Variants in PRKD1 observed in about 807,000 individuals in gnomAD.
PRKD1 encodes the protein serine/threonine-protein kinase D1.
A neutral mutation model predicts 95.9 loss-of-function variants in PRKD1; 63 were observed. The observed-to-expected ratio is 0.66, with a 90% CI of 0.54 to 0.81. PRKD1 has a LOEUF of 0.81. PRKD1 is among the 30% of genes least tolerant of loss of function. The pLI, the probability that PRKD1 is intolerant of heterozygous loss-of-function variation, is 0.00. For missense variants in PRKD1, 1,048 were observed against 1,165.3 expected (o/e 0.90, Z 1.47); for synonymous variants, 425 against 423.1 (o/e 1.00, Z -0.05).
rs145368534 is a variant in PRKD1, at chr14:29,856,759, C to T, written c.264+70490G>A. ...GGTACCTAAAATAGGAACAGACTCC[C>T]GGGCACATCTCTGAGGCTGGTAAGC... On this transcript the variant is annotated intron_variant, in intron 1 of 17. Coordinates refer to ENST00000331968, the MANE Select transcript of PRKD1 (RefSeq NM_002742.3). Among the ~76,000 whole-genome samples, 1,253 of 152,298 alleles carry T rather than the reference C, an allele frequency of 8.2e-3. 7 individuals carry two copies. Among genetic ancestry groups the T allele is most frequent in the Admixed American group, 0.015 (226 of 15,290 alleles).
chr14:29,740,714 T>C (rs1467903276), intron 1 of PRKD1, among the ~76,000 whole-genome samples: 1 of 152,144 alleles, frequency 6.6e-6, no homozygotes, highest in Non-Finnish European at 1.5e-5. Context: ...CTGGCTATCT[T>C]CAATTCTACT....
intron 13 of PRKD1, among the ~76,000 whole-genome samples, chr14:29,600,942 C>T (rs1893494819): frequency 6.6e-6 from 1 of 151,894 alleles, no homozygotes; most frequent in South Asian, 2.1e-4. Context: ...ATATATTCCA[C>T]TTATATCCCA....
chr14:29,615,701 A>C (rs1051879671), intron 13 of PRKD1, among the ~76,000 whole-genome samples: 1 of 152,194 alleles, frequency 6.6e-6, no homozygotes, highest in Admixed American at 6.5e-5. Flanking sequence ...TGAACATCTT[A>C]AAGGGTTTTA....
Position 29,778,692 on chromosome 14 carries a change from C to T in PRKD1, c.265-53018G>A, listed in dbSNP as rs542262665. ...GTCCAGGACCAGATGGATTCACAGC[C>T]GAATTCTACCAGAGGTACAAGGAGG... is the stretch of plus-strand genomic sequence containing the variant. On this transcript the variant is annotated intron_variant, in intron 1 of 17. Transcript: ENST00000331968. Among the ~76,000 whole-genome samples the T allele has an allele frequency of 1.5e-3, 221 of 152,230 alleles. 2 individuals are homozygous for T. Among genetic ancestry groups the T allele is most frequent in the African/African-American group, 5.1e-3 (212 of 41,532 alleles).
At chr14:29,797,749 C>T (rs1365007728) in intron 1 of PRKD1, among the ~76,000 whole-genome samples, 1 of 152,182 alleles carries the variant, frequency 6.6e-6, no homozygotes, top group African/African-American at 2.4e-5. Flanking sequence ...TGTCCCTCCA[C>T]CCCAACCTGC....
intron 1 of PRKD1, among the ~76,000 whole-genome samples, chr14:29,826,215 CAT>C (rs1346248756): frequency 8.0e-5 from 9 of 113,064 alleles, no homozygotes; most frequent in South Asian, 6.0e-4. Flanking sequence ...TATATATATA[CAT>C]ATATATGATG....
intron 1 of PRKD1, among the ~76,000 whole-genome samples, chr14:29,749,042 G>C (rs769987326): frequency 6.6e-6 from 1 of 152,290 alleles, no homozygotes; most frequent in East Asian, 1.9e-4. Context: ...ATATGTAGGA[G>C]TGGGATTATA....
At chr14:29,859,131 T>C (rs1892612728) in intron 1 of PRKD1, among the ~76,000 whole-genome samples, 1 of 152,192 alleles carries the variant, frequency 6.6e-6, no homozygotes, top group African/African-American at 2.4e-5. Context: ...CAAAATCAGT[T>C]AGGCCATCAA....
intron 1 of PRKD1, among the ~76,000 whole-genome samples, chr14:29,876,312 C>A (rs1265273564): frequency 1.3e-5 from 2 of 152,104 alleles, no homozygotes; most frequent in Admixed American, 6.5e-5. Context: ...GGATAAAGAA[C>A]AGGTCATTGC....
intron 1 of PRKD1, among the ~76,000 whole-genome samples, chr14:29,781,717 G>T (rs1889054036): frequency 6.6e-6 from 1 of 152,208 alleles, no homozygotes; most frequent in South Asian, 2.1e-4. Flanking sequence ...GGGACATTTT[G>T]AAAGTTCATT....
At chr14:29,704,240 G>A (rs1164800152) in intron 2 of PRKD1, among the ~76,000 whole-genome samples, 1 of 151,916 alleles carries the variant, frequency 6.6e-6, no homozygotes, top group Admixed American at 6.6e-5. Flanking sequence ...AATAAAACAT[G>A]TAATTATGGC....
chr14:29,652,526 A>G (rs1029816401), intron 4 of PRKD1, among the ~76,000 whole-genome samples: 1 of 152,206 alleles, frequency 6.6e-6, no homozygotes, highest in Non-Finnish European at 1.5e-5. Context: ...ACTGAAGGAC[A>G]CTTTCCCCAG....
intron 1 of PRKD1, among the ~76,000 whole-genome samples, chr14:29,747,638 A>T (rs1887290957): frequency 6.6e-6 from 1 of 152,200 alleles, no homozygotes; most frequent in Non-Finnish European, 1.5e-5. Flanking sequence ...TGAAGTACTG[A>T]TCTACACACT....
At chr14:29,650,636 A>G (rs188525973) in intron 4 of PRKD1, 12 of 152,244 alleles carry the variant, frequency 7.9e-5, no homozygotes, top group African/African-American at 2.7e-4. Flanking sequence ...AAGACTGAGC[A>G]CTAGACAAAG....
chr14:29,599,466 A>C (rs1486348505), intron 14 of PRKD1, among the ~76,000 whole-genome samples, 190 bp downstream of exon 14: 1 of 152,192 alleles, frequency 6.6e-6, no homozygotes, highest in African/African-American at 2.4e-5. Context: ...CATGTTACTA[A>C]TTTGGTACAC....
intron 2 of PRKD1, among the ~76,000 whole-genome samples, chr14:29,707,061 T>C (rs1885125204): frequency 6.6e-6 from 1 of 152,186 alleles, no homozygotes; most frequent in African/African-American, 2.4e-5. Flanking sequence ...CATATGCCCA[T>C]ATACTAGAAT....
intron 1 of PRKD1, among the ~76,000 whole-genome samples, chr14:29,748,853 G>A (rs983558327): frequency 6.6e-6 from 1 of 152,150 alleles, no homozygotes; most frequent in African/African-American, 2.4e-5. Flanking sequence ...AAAACATTCT[G>A]AATGAATGAG....
At chr14:29,689,364 ACATTACTGAT>A (rs1884095633) in intron 2 of PRKD1, among the ~76,000 whole-genome samples, 3 of 152,196 alleles carry the variant, frequency 2.0e-5, no homozygotes, top group African/African-American at 7.2e-5. Flanking sequence ...AAAAAGCCTA[ACATTACTGAT>A]CATTAGAGAA....
intron 1 of PRKD1, among the ~76,000 whole-genome samples, chr14:29,892,652 T>A (rs1401635788): frequency 6.6e-6 from 1 of 152,170 alleles, no homozygotes; most frequent in Non-Finnish European, 1.5e-5. Flanking sequence ...AGGTACACAC[T>A]GGCTTCAGTG....
Sources: gnomAD v4.1 joint callset for allele counts (sites outside exome capture counted in the v4.1 genomes callset) on GRCh38, gnomAD v4.1.1 for gene constraint, MANE v1.5 for transcripts, NCBI Gene and HGNC (gene_info 2026-07-23, HGNC 2026-07-21) for gene names.